PEBP1: variants seen among roughly 807,000 people sequenced by gnomAD.
The protein encoded by PEBP1 is phosphatidylethanolamine binding protein 1.
A neutral mutation model predicts 22.7 loss-of-function variants in PEBP1; 17 were observed. The ratio of observed to expected loss-of-function variants is 0.75; its 90% confidence interval spans 0.51 to 1.12. The LOEUF is 1.12. Among genes scored for constraint, PEBP1 ranks in the 50% most tolerant of loss-of-function variants. The pLI is 0.00. For missense variants in PEBP1, 205 were observed against 243.5 expected (o/e 0.84, Z 1.05); for synonymous variants, 106 against 104.3 (o/e 1.02, Z -0.10).
Position 118,141,695 on chromosome 12 carries a change from T to C in PEBP1, c.346+2144T>C, listed in dbSNP as rs1376169010. On this transcript the variant is annotated intron_variant, in intron 3 of 3. Coordinates refer to ENST00000261313, the MANE Select transcript of PEBP1 (RefSeq NM_002567.4). ...GTTGCAGTGAGCTGAGATTGTGCCA[T>C]TGCGCTCTAGCCTGGGCGATAGAGC... 2.0e-5 allele frequency among the ~76,000 whole-genome samples: 3 copies of C among 152,146 alleles called. No homozygotes were observed. The East Asian group carries it at 5.8e-4, about 29-fold the overall frequency.
At chr12:118,143,231 G>C (rs2034128949) in intron 3 of PEBP1, among the ~76,000 whole-genome samples, 1 of 152,144 alleles carries the variant, frequency 6.6e-6, no homozygotes. Context: ...TTGACCAACA[G>C]CTCCCCATTT....
Position 118,136,485 on chromosome 12 carries a change from T to C in PEBP1, c.135+141T>C. 5.7e-6 allele frequency: 6 copies of C among 1,046,696 alleles called. No homozygotes were observed. The highest frequency in any genetic ancestry group is 6.6e-6 in the Non-Finnish European group (5 of 752,896). The allele number at this position is 1,046,696 out of a possible 1,614,324, so 64.8% of individuals were successfully genotyped here. On this transcript the variant is annotated intron_variant, in intron 1 of 3. Coordinates refer to ENST00000261313, the MANE Select transcript of PEBP1 (RefSeq NM_002567.4). This position sits in a 1 kb window ranked among gnomAD's most constrained non-coding sequence, Gnocchi z 5.6. ...TGTCGAGGCCCCCCCAGGCCAGAGG[T>C]CCCGGGGTCCATGTCCCATGCCTGG...
intron 1 of PEBP1, among the ~76,000 whole-genome samples, chr12:118,137,371 A>G (rs1306842673): frequency 6.6e-6 from 1 of 152,156 alleles, no homozygotes; most frequent in Non-Finnish European, 1.5e-5. Context: ...CCTGGGCAAC[A>G]TAGCAAGACC....
In PEBP1 at chr12:118,136,431, A is replaced by T. The variant is rs369901020; in HGVS notation, c.135+87A>T. The T allele has an allele frequency of 1.4e-6, 2 of 1,423,468 alleles. No homozygotes were observed. Among genetic ancestry groups the T allele is most frequent in the Non-Finnish European group, 1.9e-6 (2 of 1,080,692 alleles). 88.2% of individuals were successfully genotyped at this position (1,423,468 alleles called of 1,614,324 possible). A position where few individuals can be genotyped will look rare whatever the true frequency, so the allele number is the denominator to read the frequency against. On this transcript the variant is annotated intron_variant, in intron 1 of 3. Coordinates refer to ENST00000261313, the MANE Select transcript of PEBP1 (RefSeq NM_002567.4). The surrounding 1 kb of genome is among the most constrained non-coding windows in gnomAD (Gnocchi z 5.6). ...GGTGGGACCCAGCGGAGACAGGGCC[A>T]GGGGCGGTGGGGAGGTTCAGCCTGC...
At position 118,136,680 on chromosome 12, in the gene PEBP1, G is replaced by T. The variant is rs965319798; in HGVS notation, c.135+336G>T. On this transcript the variant is annotated intron_variant, in intron 1 of 3. Transcript: ENST00000261313. This position sits in a 1 kb window ranked among gnomAD's most constrained non-coding sequence, Gnocchi z 5.6. ...GGCCAGGGCGCTGGAGAGGGACGTCGCCGGGACAGAGTAGGCTGTGGCTGC... is the reference window on the plus strand; with the variant it reads ...GGCCAGGGCGCTGGAGAGGGACGTCTCCGGGACAGAGTAGGCTGTGGCTGC... 6.6e-6 allele frequency among the ~76,000 whole-genome samples: 1 copy of T among 152,214 alleles called. No homozygotes were observed. The highest frequency in any genetic ancestry group is 2.1e-4 in the South Asian group (1 of 4,836).
chr12:118,141,064 T>C (rs2034109665), intron 3 of PEBP1, among the ~76,000 whole-genome samples: 1 of 152,030 alleles, frequency 6.6e-6, no homozygotes. Context: ...TTTACTTAAA[T>C]TCCCCCAGAG....
chr12:118,136,677 G>C lies in PEBP1; in HGVS notation c.135+333G>C, dbSNP rs2034063639. Among the ~76,000 whole-genome samples the C allele has an allele frequency of 6.6e-6, 1 of 152,222 alleles. No homozygotes were observed. The highest frequency in any genetic ancestry group is 2.1e-4 in the South Asian group (1 of 4,836). ...ACAGGCCAGGGCGCTGGAGAGGGAC[G>C]TCGCCGGGACAGAGTAGGCTGTGGC... On this transcript the variant is annotated intron_variant, in intron 1 of 3. Transcript: ENST00000261313. This position sits in a 1 kb window ranked among gnomAD's most constrained non-coding sequence, Gnocchi z 5.6.
chr12:118,138,530 C>G (rs950171604), intron 2 of PEBP1, among the ~76,000 whole-genome samples: 3 of 152,118 alleles, frequency 2.0e-5, no homozygotes, highest in African/African-American at 7.2e-5. Flanking sequence ...AACCGAGTAG[C>G]TGGAATTACA....
At chr12:118,139,658 C>T in intron 3 of PEBP1, 107 bp downstream of exon 3, 1 of 666,252 alleles carries the variant, frequency 1.5e-6, no homozygotes, top group Non-Finnish European at 2.6e-6. Context: ...CTGGAAATAG[C>T]ATCTCAGCTT....
intron 2 of PEBP1, 84 bp from the exon 3 acceptor site, chr12:118,139,367 A>T: frequency 3.4e-6 from 3 of 874,056 alleles, no homozygotes; most frequent in Non-Finnish European, 5.8e-6. Context: ...GGCAGCCAGC[A>T]TGTTCTTGAT....
chr12:118,140,425 G>C (rs2034104020), intron 3 of PEBP1, among the ~76,000 whole-genome samples: 1 of 152,176 alleles, frequency 6.6e-6, no homozygotes, highest in African/African-American at 2.4e-5. Context: ...AGATGGTAAA[G>C]GGACAGATTT....
At chr12:118,144,519 A>C (rs745391424) in intron 3 of PEBP1, 67 bp from the exon 4 acceptor site, 199 of 1,473,708 alleles carry the variant, frequency 1.4e-4, no homozygotes, top group Non-Finnish European at 1.7e-4. Flanking sequence ...CATTCGATAA[A>C]AATGGATGAT....
At chr12:118,143,351 C>G (rs2034129818) in intron 3 of PEBP1, among the ~76,000 whole-genome samples, 1 of 152,146 alleles carries the variant, frequency 6.6e-6, no homozygotes, top group Non-Finnish European at 1.5e-5. Context: ...GCTAATTTCA[C>G]TAATGTAATG....
chr12:118,145,028 G>A lies in PEBP1; in HGVS notation c.*225G>A. ...ATCAAATTTGAACTTCATTTTGGGGGGTATTTTGGTACTGTGATGGGGTCA... is the reference window on the plus strand; with the variant it reads ...ATCAAATTTGAACTTCATTTTGGGGAGTATTTTGGTACTGTGATGGGGTCA... On this transcript the variant is annotated 3_prime_UTR_variant, in exon 4 of 4. Transcript: ENST00000261313. 6.7e-7 allele frequency: 1 copy of A among 1,484,118 alleles called. No homozygotes were observed. Among genetic ancestry groups the A allele is most frequent in the Non-Finnish European group, 9.0e-7 (1 of 1,114,242 alleles). 91.9% of individuals were successfully genotyped at this position (1,484,118 alleles called of 1,614,324 possible).
intron 3 of PEBP1, among the ~76,000 whole-genome samples, chr12:118,141,323 G>C (rs909744323): frequency 6.6e-6 from 1 of 152,098 alleles, no homozygotes; most frequent in Non-Finnish European, 1.5e-5. Context: ...CACCATGTTG[G>C]CCAGGCTGGT....
chr12:118,138,305 A>G (rs1555280032), intron 2 of PEBP1, among the ~76,000 whole-genome samples, 157 bp downstream of exon 2: 1 of 152,170 alleles, frequency 6.6e-6, no homozygotes, highest in Non-Finnish European at 1.5e-5. Context: ...CCCCTACAGC[A>G]GGTGTCTGTA....
intron 2 of PEBP1, among the ~76,000 whole-genome samples, chr12:118,138,494 G>T (rs1412318006): frequency 6.6e-6 from 1 of 152,096 alleles, no homozygotes; most frequent in East Asian, 1.9e-4. Context: ...CACCTCCCAG[G>T]TTCAAGTGAT....
intron 3 of PEBP1, 49 bp downstream of exon 3, chr12:118,139,600 C>T (rs1191363808): frequency 1.7e-6 from 2 of 1,164,810 alleles, no homozygotes. Context: ...AGCTCGGGGG[C>T]ACATTAGGAT....
chr12:118,145,109 G>A lies in PEBP1; in HGVS notation c.*306G>A. ...GAATGTAAAAAAGAAAAAACTGGGG[G>A]GAAAAAGACCAGGTCTACAGTGATA... On this transcript the variant is annotated 3_prime_UTR_variant, in exon 4 of 4. Transcript: ENST00000261313. 1 of 800,404 alleles carries A rather than the reference G, an allele frequency of 1.2e-6. No homozygotes were observed. The highest frequency in any genetic ancestry group is 1.8e-6 in the Non-Finnish European group (1 of 544,132). 49.6% of individuals were successfully genotyped at this position (800,404 alleles called of 1,614,324 possible).
Sources: allele counts gnomAD v4.1 joint callset (sites outside exome capture counted in the v4.1 genomes callset), GRCh38; gene constraint gnomAD v4.1.1; non-coding constraint Gnocchi (gnomAD v3.1); transcripts MANE v1.5; gene names NCBI Gene and HGNC (gene_info 2026-07-23, HGNC 2026-07-21).